Variants in GRM7 observed in about 807,000 individuals in gnomAD.
GRM7 encodes the protein glutamate metabotropic receptor 7.
GRM7 carries 35 observed loss-of-function variants against 84.5 expected under a neutral mutation model. That is an observed-to-expected ratio of 0.41 (90% CI 0.32 to 0.55). The LOEUF (loss-of-function observed/expected upper bound fraction) is 0.55. Among genes scored for constraint, GRM7 ranks in the 20% least tolerant of loss-of-function variants. The pLI, the probability that GRM7 is intolerant of heterozygous loss-of-function variation, is 0.19. For synonymous variants in GRM7, 487 were observed against 455.1 expected (o/e 1.07, Z -0.89); for missense variants, 1,003 against 1,194.6 (o/e 0.84, Z 2.36).
At chr3:7,407,117 A>G (rs1156229646) in intron 4 of GRM7, among the ~76,000 whole-genome samples, 1 of 152,214 alleles carries the variant, frequency 6.6e-6, no homozygotes, top group Non-Finnish European at 1.5e-5. Context: ...TAAAACCCTT[A>G]CCACATTTCT....
At chr3:7,675,277 T>G (rs1425654965) in intron 8 of GRM7, among the ~76,000 whole-genome samples, 1 of 152,182 alleles carries the variant, frequency 6.6e-6, no homozygotes, top group African/African-American at 2.4e-5. Context: ...AATATTCTGG[T>G]TTTCAAAGTT....
intron 2 of GRM7, among the ~76,000 whole-genome samples, chr3:7,200,071 A>G (rs764914167): frequency 6.6e-6 from 1 of 152,236 alleles, no homozygotes; most frequent in African/African-American, 2.4e-5. Context: ...GTGAATGGGC[A>G]TATGCCAGGG....
chr3:7,561,616 C>T, intron 7 of GRM7: 1 of 455,426 alleles, frequency 2.2e-6, no homozygotes, highest in Non-Finnish European at 4.4e-6. Flanking sequence ...TTTTCATATC[C>T]CTTTAGTCCT....
chr3:7,313,685 C>T (rs1004691744), intron 4 of GRM7, among the ~76,000 whole-genome samples: 5 of 151,992 alleles, frequency 3.3e-5, no homozygotes, highest in Non-Finnish European at 5.9e-5. Context: ...AGATTGTTAC[C>T]TTTGCTATTA....
At chr3:6,954,915 G>C (rs1243342265) in intron 1 of GRM7, among the ~76,000 whole-genome samples, 3 of 152,136 alleles carry the variant, frequency 2.0e-5, no homozygotes, top group Non-Finnish European at 2.9e-5. Context: ...TTTATGTCTA[G>C]GTTTTGTTGC....
intron 9 of GRM7, among the ~76,000 whole-genome samples, chr3:7,713,119 G>GTT (rs1553640882): frequency 5.8e-4 from 32 of 55,630 alleles, no homozygotes; most frequent in Admixed American, 1.1e-3. Context: ...TTCGAATTTT[G>GTT]TTTTGTTTTT....
chr3:7,153,238 A>G (rs1694343913), intron 2 of GRM7, among the ~76,000 whole-genome samples: 2 of 124,150 alleles, frequency 1.6e-5, no homozygotes, highest in South Asian at 5.4e-4. Context: ...GATTCTGTTT[A>G]TTATCCCTCA....
At chr3:7,562,750 T>A (rs1008260800) in intron 7 of GRM7, among the ~76,000 whole-genome samples, 42 of 152,246 alleles carry the variant, frequency 2.8e-4, no homozygotes, top group Non-Finnish European at 4.6e-4. Context: ...AAGCACTAGA[T>A]TAAATCAAGG....
At chr3:7,296,851 G>A (rs1281681745) in intron 2 of GRM7, among the ~76,000 whole-genome samples, 1 of 150,210 alleles carries the variant, frequency 6.7e-6, no homozygotes, top group East Asian at 1.9e-4. Flanking sequence ...ATCTTGCTAT[G>A]TTGCCCCGAC....
chr3:6,900,895 C>T (rs1266569168), intron 1 of GRM7, among the ~76,000 whole-genome samples: 1 of 152,168 alleles, frequency 6.6e-6, no homozygotes, highest in Non-Finnish European at 1.5e-5. Context: ...TTTACAAGAT[C>T]CAGTGCAACA....
chr3:7,154,859 A>T (rs546233417), intron 2 of GRM7, among the ~76,000 whole-genome samples: 1 of 152,238 alleles, frequency 6.6e-6, no homozygotes, highest in South Asian at 2.1e-4. Flanking sequence ...CTTCAAGGTG[A>T]AGCTTTCTCT....
chr3:7,179,443 A>AT (rs1214336354), intron 2 of GRM7, among the ~76,000 whole-genome samples: 2 of 152,142 alleles, frequency 1.3e-5, no homozygotes, highest in Non-Finnish European at 1.5e-5. Context: ...TTTGGTGTTG[A>AT]TTTTTTTCAA....
At chr3:7,477,685 C>G (rs908302208) in intron 7 of GRM7, among the ~76,000 whole-genome samples, 1 of 152,088 alleles carries the variant, frequency 6.6e-6, no homozygotes, top group African/African-American at 2.4e-5. Context: ...AGAAACATCA[C>G]CATATGTTTC....
intron 1 of GRM7, among the ~76,000 whole-genome samples, chr3:6,918,985 G>A (rs1246898534): frequency 1.3e-5 from 2 of 152,188 alleles, no homozygotes; most frequent in Non-Finnish European, 2.9e-5. Flanking sequence ...GAGTATGTTT[G>A]TAAACAAAAT....
At chr3:6,930,146 T>A (rs1331117283) in intron 1 of GRM7, among the ~76,000 whole-genome samples, 1 of 152,190 alleles carries the variant, frequency 6.6e-6, no homozygotes, top group Non-Finnish European at 1.5e-5. Context: ...TTCTTTATAT[T>A]CTCTGAACTG....
intron 2 of GRM7, among the ~76,000 whole-genome samples, chr3:7,271,947 T>G (rs1005095756): frequency 5.9e-5 from 9 of 151,932 alleles, no homozygotes; most frequent in African/African-American, 2.2e-4. Flanking sequence ...AAGCCCAGTC[T>G]GAAAGAATTA....
intron 1 of GRM7, among the ~76,000 whole-genome samples, chr3:7,016,730 T>C (rs1391950): frequency 0.54 from 82,547 of 152,008 alleles, 23,510 homozygotes; most frequent in African/African-American, 0.72. Context: ...CATGGTATAG[T>C]GCCAACATTC....
At chr3:6,897,721 A>G (rs1408918578) in intron 1 of GRM7, among the ~76,000 whole-genome samples, 3 of 152,348 alleles carry the variant, frequency 2.0e-5, no homozygotes, top group African/African-American at 7.2e-5. Flanking sequence ...AGCTTAGAAG[A>G]AATGTATTAA....
intron 8 of GRM7, among the ~76,000 whole-genome samples, chr3:7,582,492 A>G (rs867493407): frequency 1.4e-4 from 21 of 152,124 alleles, no homozygotes; most frequent in African/African-American, 4.6e-4. Flanking sequence ...TCCTTTGTGT[A>G]TAAGTGTGTT....
Sources: gnomAD v4.1 joint callset for allele counts (sites outside exome capture counted in the v4.1 genomes callset) on GRCh38, gnomAD v4.1.1 for gene constraint, MANE v1.5 for transcripts, NCBI Gene and HGNC (gene_info 2026-07-23, HGNC 2026-07-21) for gene names.